PCDHGA2: variants seen among roughly 807,000 people sequenced by gnomAD.
PCDHGA2 encodes the protein protocadherin gamma subfamily A, 2.
PCDHGA2 carries 40 observed loss-of-function variants against 59.2 expected under a neutral mutation model. That is an observed-to-expected ratio of 0.68 (90% CI 0.52 to 0.88). PCDHGA2 has a LOEUF of 0.88. Ranked by LOEUF, PCDHGA2 falls within the 40% of genes least tolerant of loss-of-function variation. The pLI is 0.00. For synonymous variants in PCDHGA2, 560 were observed against 526.0 expected (o/e 1.06, Z -0.89); for missense variants, 1,226 against 1,204.0 (o/e 1.02, Z -0.27).
intron 1 of PCDHGA2, chr5:141,427,949 C>T (rs2097092193): frequency 1.3e-6 from 2 of 1,586,882 alleles, no homozygotes; most frequent in South Asian, 1.1e-5. Context: ...ACCTCAATGA[C>T]AATGTGCCGC....
At chr5:141,410,147 G>T in intron 1 of PCDHGA2, 1 of 1,612,952 alleles carries the variant, frequency 6.2e-7, no homozygotes, top group Non-Finnish European at 8.5e-7. Flanking sequence ...TGTGCGTGAC[G>T]GTGGACAGCC....
intron 1 of PCDHGA2, among the ~76,000 whole-genome samples, chr5:141,402,017 A>G (rs1052839882): frequency 2.0e-5 from 3 of 152,210 alleles, no homozygotes; most frequent in African/African-American, 7.2e-5. Flanking sequence ...ATGCATTTGA[A>G]TCATTGAAAC....
At chr5:141,415,573 G>A (rs375863243) in intron 1 of PCDHGA2, 68 of 1,613,906 alleles carry the variant, frequency 4.2e-5, no homozygotes, top group Non-Finnish European at 1.2e-5. Flanking sequence ...TTTGTTAGAT[G>A]ATTCGAAGTT....
intron 1 of PCDHGA2, chr5:141,345,028 A>C (rs748428255): frequency 1.2e-6 from 2 of 1,614,052 alleles, no homozygotes; most frequent in East Asian, 4.5e-5. Context: ...TCAAGAGCCA[A>C]GATTCTAGTC....
chr5:141,478,322 C>A, intron 1 of PCDHGA2: 3 of 1,613,976 alleles, frequency 1.9e-6, no homozygotes, highest in Non-Finnish European at 2.5e-6. Context: ...CTCACTGTAC[C>A]GAACACCAGG....
Position 141,458,007 on chromosome 5 carries a change from C to T in PCDHGA2, c.2425-36800C>T, listed in dbSNP as rs142050242. Among the ~76,000 whole-genome samples the T allele has an allele frequency of 1.3e-3, 200 of 152,274 alleles. 1 individual carries two copies. The East Asian group carries it at 0.032, about 24-fold the overall frequency. ...TCAGTTAAAGCCTTGGCAAAATAAC[C>T]GGTTTTTCCAATTGTGTTCTGTTGA... On this transcript the variant is annotated intron_variant, in intron 1 of 3. Transcript: ENST00000394576.
chr5:141,409,848 G>C (rs149920059), intron 1 of PCDHGA2: 7 of 1,611,904 alleles, frequency 4.3e-6, no homozygotes, highest in Non-Finnish European at 5.9e-6. Context: ...GTGAGCCTGC[G>C]CGTGTTGGTG....
chr5:141,448,122 C>A (rs1315243727), intron 1 of PCDHGA2, among the ~76,000 whole-genome samples: 1 of 151,820 alleles, frequency 6.6e-6, no homozygotes, highest in Non-Finnish European at 1.5e-5. Context: ...AAATTAGCCT[C>A]CCCCACCCTC....
rs1057374827 is a variant in PCDHGA2, at chr5:141,485,503, C to G, written c.2425-9304C>G. 3.1e-6 allele frequency: 5 copies of G among 1,613,978 alleles called. No homozygotes were observed. Among genetic ancestry groups the G allele is most frequent in the Non-Finnish European group, 4.2e-6 (5 of 1,180,016 alleles). On this transcript the variant is annotated intron_variant, in intron 1 of 3. Coordinates refer to ENST00000394576, the MANE Select transcript of PCDHGA2 (RefSeq NM_018915.4). This position sits in a 1 kb window ranked among gnomAD's most constrained non-coding sequence, Gnocchi z 5.7. ...GCATCGTGCCCCTGGAGTTTGTCACCGAAGGTCCTTTGGAAATGTACCGAG... is the reference window on the plus strand; with the variant it reads ...GCATCGTGCCCCTGGAGTTTGTCACGGAAGGTCCTTTGGAAATGTACCGAG...
rs763544302 is a variant in PCDHGA2, at chr5:141,385,145, T to C, written c.2424+43750T>C. On this transcript the variant is annotated intron_variant, in intron 1 of 3. Coordinates refer to ENST00000394576, the MANE Select transcript of PCDHGA2 (RefSeq NM_018915.4). ...GTGGGCATGGACGGGGTGCAGGCTTTCCTGCAGACCTATTCCCATGAGGTC... is the reference window on the plus strand; with the variant it reads ...GTGGGCATGGACGGGGTGCAGGCTTCCCTGCAGACCTATTCCCATGAGGTC... 5.6e-6 allele frequency: 9 copies of C among 1,614,106 alleles called. No homozygotes were observed. The highest frequency in any genetic ancestry group is 7.6e-6 in the Non-Finnish European group (9 of 1,180,050).
chr5:141,424,061 CTGATT>C, intron 1 of PCDHGA2: 1 of 1,003,194 alleles, frequency 1.0e-6, no homozygotes, highest in Non-Finnish European at 1.2e-6. Flanking sequence ...TGTGCCTTCA[CTGATT>C]TGTAGTTATA....
intron 1 of PCDHGA2, among the ~76,000 whole-genome samples, chr5:141,348,196 T>C (rs1439946678): frequency 2.6e-5 from 4 of 152,250 alleles, no homozygotes; most frequent in Non-Finnish European, 5.9e-5. Flanking sequence ...AACAAAAGAA[T>C]AGATTCCTCC....
intron 1 of PCDHGA2, chr5:141,429,173 C>CA (rs1561839883): frequency 7.9e-6 from 1 of 125,872 alleles, no homozygotes; most frequent in Non-Finnish European, 1.7e-5. Flanking sequence ...TGTTTATACA[C>CA]ACACACACAC....
At chr5:141,355,909 G>A (rs760991586) in intron 1 of PCDHGA2, 15 of 1,613,730 alleles carry the variant, frequency 9.3e-6, no homozygotes, top group Non-Finnish European at 1.2e-5. Flanking sequence ...GGATACCAAC[G>A]ATAATGCTCC....
intron 1 of PCDHGA2, chr5:141,374,905 CG>C: frequency 6.2e-7 from 1 of 1,613,734 alleles, no homozygotes; most frequent in Non-Finnish European, 8.5e-7. Flanking sequence ...AAGGAGTCCA[CG>C]GGGAAGTAAC....
chr5:141,374,334 T>G, intron 1 of PCDHGA2: 2 of 1,614,018 alleles, frequency 1.2e-6, no homozygotes, highest in South Asian at 2.2e-5. Flanking sequence ...AACGGCAGCT[T>G]GGTCACCGCG....
Position 141,340,523 on chromosome 5 carries a change from C to A in PCDHGA2, c.1552C>A (p.Arg518Ser), listed in dbSNP as rs773835264. The change falls in exon 1 of 4, where the codon CGC becomes AGC. Residue 518 changes from arginine (R) to serine (S), a missense_variant. Transcript: ENST00000394576. ...CGACACTGGAGTACTCTATGCACTG[C>A]GCTCCTTTGATTATGAGCAGTTGCG... is the stretch of plus-strand genomic sequence containing the variant. ...NSDTGVLYAL[R>S]SFDYEQLRDL... The A allele has an allele frequency of 1.2e-6, 2 of 1,614,232 alleles. No homozygotes were observed. The highest frequency in any genetic ancestry group is 1.7e-6 in the Non-Finnish European group (2 of 1,180,042).
At chr5:141,360,363 A>T (rs1213185009) in intron 1 of PCDHGA2, 1 of 1,613,936 alleles carries the variant, frequency 6.2e-7, no homozygotes, top group Non-Finnish European at 8.5e-7. Context: ...AATATTTCAC[A>T]GTAAACCCAG....
At chr5:141,403,121 C>T (rs2094357954) in intron 1 of PCDHGA2, 1 of 1,614,046 alleles carries the variant, frequency 6.2e-7, no homozygotes, top group Non-Finnish European at 8.5e-7. Context: ...TCTGGAGCCC[C>T]GGGAGCTGGC....
Sources: gnomAD v4.1 joint callset for allele counts (sites outside exome capture counted in the v4.1 genomes callset) on GRCh38, gnomAD v4.1.1 for gene constraint, Gnocchi (gnomAD v3.1) non-coding constraint, MANE v1.5 for transcripts, NCBI Gene and HGNC (gene_info 2026-07-23, HGNC 2026-07-21) for gene names.